The following FAM178B variants were observed in gnomAD, a reference collection of about 807,000 sequenced individuals.
The protein encoded by FAM178B is family with sequence similarity 178 member B.
Under a neutral mutation model 91.7 loss-of-function variants are expected in FAM178B, and 82 were observed. The observed-to-expected ratio is 0.89, with a 90% CI of 0.75 to 1.07. FAM178B has a LOEUF of 1.07. FAM178B is among the 50% of genes least tolerant of loss of function. The pLI is 0.00. For synonymous variants in FAM178B, 368 were observed against 359.4 expected, an observed-to-expected ratio of 1.02 and a Z score of -0.27; for missense variants, 769 against 846.7, an observed-to-expected ratio of 0.91 and a Z score of 1.14.
intron 7 of FAM178B, among the ~76,000 whole-genome samples, chr2:96,951,019 G>T (rs2081917168): frequency 1.3e-5 from 2 of 152,136 alleles, no homozygotes; most frequent in African/African-American, 4.8e-5. Context: ...TGAGGGGCTT[G>T]GACCGATTCA....
rs143352629 is a variant in FAM178B, at chr2:96,944,867, T to C, written c.1078+2951A>G. ...ACTCAGTCCCCGTAGGCAACTGAGTTTGCAGTCTCTGCTTTCTGGTACAGA... is the reference window on the plus strand; with the variant it reads ...ACTCAGTCCCCGTAGGCAACTGAGTCTGCAGTCTCTGCTTTCTGGTACAGA... On this transcript the variant is annotated intron_variant, in intron 8 of 16. Transcript: ENST00000490605. Among the ~76,000 whole-genome samples the C allele has an allele frequency of 2.0e-3, 302 of 152,290 alleles. 2 individuals carry two copies. The highest frequency in any genetic ancestry group is 3.7e-3 in the Non-Finnish European group (249 of 68,020).
At chr2:96,906,672 C>A (rs932684825) in intron 12 of FAM178B, among the ~76,000 whole-genome samples, 3 of 152,200 alleles carry the variant, frequency 2.0e-5, no homozygotes, top group Non-Finnish European at 4.4e-5. Context: ...CTACAACAGA[C>A]CCCCGTGGGT....
intron 1 of FAM178B, among the ~76,000 whole-genome samples, chr2:96,981,505 T>C (rs78757165): frequency 0.023 from 3,496 of 152,166 alleles, 77 homozygotes; most frequent in South Asian, 0.1. Context: ...GAAACTGTCC[T>C]CTTTGGGAGG....
At chr2:96,943,831 C>T (rs1249395610) in intron 8 of FAM178B, among the ~76,000 whole-genome samples, 2 of 152,166 alleles carry the variant, frequency 1.3e-5, no homozygotes, top group Non-Finnish European at 2.9e-5. Flanking sequence ...TACCCTGATA[C>T]TCCGCCCAAA....
rs200228743 is a variant in FAM178B at position 96,878,053 on chromosome 2, G to A, written c.1855-11C>T. On this transcript the variant is annotated splice_polypyrimidine_tract_variant and intron_variant, in intron 15 of 16. Coordinates refer to ENST00000490605, the MANE Select transcript of FAM178B (RefSeq NM_001122646.3). ...CAGCTGCAGCTCGCCCTGTGGAGGC[G>A]GAGGGAGGCCAAGAAGCGGGTGTAG... 5,130 of 1,605,934 alleles carry A rather than the reference G, an allele frequency of 3.2e-3. 36 individuals carry two copies. The highest frequency in any genetic ancestry group is 2.8e-3 in the Non-Finnish European group (3,357 of 1,179,894).
intron 9 of FAM178B, among the ~76,000 whole-genome samples, chr2:96,924,627 G>A (rs903512848): frequency 2.0e-5 from 3 of 152,194 alleles, no homozygotes; most frequent in East Asian, 3.9e-4. Flanking sequence ...CTCACAGGAC[G>A]AGAGCCTGGG....
chr2:96,951,204 A>T (rs562799664), intron 7 of FAM178B, among the ~76,000 whole-genome samples, 175 bp downstream of exon 7: 7 of 152,218 alleles, frequency 4.6e-5, no homozygotes, highest in Non-Finnish European at 1.0e-4. Context: ...TGGCATTCTT[A>T]GCACCATTGT....
intron 9 of FAM178B, 86 bp downstream of exon 9, chr2:96,929,120 T>C: frequency 5.3e-6 from 5 of 952,224 alleles, no homozygotes; most frequent in Admixed American, 2.1e-5. Context: ...ATTATACCCC[T>C]GTATTCCAGT....
Position 96,947,835 on chromosome 2 carries a change from C to G in FAM178B, c.1061G>C (p.Gly354Ala), listed in dbSNP as rs369409545. 2.6e-6 allele frequency: 4 copies of G among 1,545,494 alleles called. No individual in the cohort carries two copies. The highest frequency in any genetic ancestry group is 3.5e-6 in the Non-Finnish European group (4 of 1,141,586). ...GTACTGACCAGGCTGAAGGAAGATT[C>G]CATCCACAATGAGATCCCACAGAAG... is the stretch of plus-strand genomic sequence containing the variant. ...FGLLWDLIVD[G>A]IFLQPDEDKH... Residue 354 changes from glycine to alanine, a missense_variant, in exon 8 of 17, where the codon GGA becomes GCA. Physicochemically the swap from Gly to Ala is moderately conservative, Grantham distance 60. Coordinates refer to ENST00000490605, the MANE Select transcript of FAM178B (RefSeq NM_001122646.3).
intron 4 of FAM178B, among the ~76,000 whole-genome samples, chr2:96,970,083 A>G (rs1357393360): frequency 6.6e-6 from 1 of 152,214 alleles, no homozygotes; most frequent in Non-Finnish European, 1.5e-5. Context: ...ATGCCACCAA[A>G]GAGCATGCCC....
chr2:96,883,811 G>T (rs190591261), intron 14 of FAM178B, among the ~76,000 whole-genome samples: 8 of 152,308 alleles, frequency 5.3e-5, no homozygotes, highest in Admixed American at 2.6e-4. Context: ...CAGGAGCCAG[G>T]GGGGGTCCTC....
chr2:96,947,897 C>T lies in FAM178B; in HGVS notation c.999G>A (p.Leu333=). ...VSLLQWLFQL[L]TWPPETSLGA... ...CCAAAGATGTTTCTGGAGGCCATGTCAGCAGCTAGGTGGAAAAAAAAAACA... is the reference window on the plus strand; with the variant it reads ...CCAAAGATGTTTCTGGAGGCCATGTTAGCAGCTAGGTGGAAAAAAAAAACA... Residue 333 remains leucine, a synonymous_variant, in exon 8 of 17, where the codon CTG becomes CTA. Transcript: ENST00000490605. 1.3e-6 allele frequency: 2 copies of T among 1,525,918 alleles called. No homozygotes were observed. The highest frequency in any genetic ancestry group is 1.8e-6 in the Non-Finnish European group (2 of 1,126,424). The allele number at this position is 1,525,918 out of a possible 1,614,324, so 94.5% of individuals were successfully genotyped here.
chr2:96,951,330 A>T, intron 7 of FAM178B, 49 bp downstream of exon 7: 3 of 1,386,390 alleles, frequency 2.2e-6, no homozygotes, highest in Non-Finnish European at 3.0e-6. Flanking sequence ...CTGCCGGGCC[A>T]CCAGACTGCA....
chr2:96,927,127 G>A (rs1218912763), intron 9 of FAM178B, among the ~76,000 whole-genome samples: 1 of 152,214 alleles, frequency 6.6e-6, no homozygotes, highest in Non-Finnish European at 1.5e-5. Context: ...TACCCTTGGG[G>A]AGGAGATGCT....
chr2:96,900,187 A>G (rs1366767719), intron 13 of FAM178B, among the ~76,000 whole-genome samples: 2 of 152,040 alleles, frequency 1.3e-5, no homozygotes, highest in Non-Finnish European at 2.9e-5. Context: ...CCTGCATCCC[A>G]GAGCCCTCCC....
intron 9 of FAM178B, among the ~76,000 whole-genome samples, chr2:96,924,571 T>C (rs1025148432): frequency 2.6e-5 from 4 of 152,208 alleles, no homozygotes; most frequent in African/African-American, 9.6e-5. Flanking sequence ...GCTTTGTGGA[T>C]GGCAGTCTCA....
At chr2:96,980,739 T>G (rs2082350559) in intron 1 of FAM178B, among the ~76,000 whole-genome samples, 3 of 152,190 alleles carry the variant, frequency 2.0e-5, no homozygotes, top group Non-Finnish European at 1.5e-5. Context: ...CTGGTTCTAA[T>G]GAGGTTGAGC....
In FAM178B at chr2:96,970,714, A is replaced by C; in HGVS notation, c.626+2T>G. The C allele has an allele frequency of 6.4e-7, 1 of 1,550,678 alleles. No individual in the cohort carries two copies. Among genetic ancestry groups the C allele is most frequent in the South Asian group, 1.2e-5 (1 of 84,038 alleles). On this transcript the variant is annotated splice_donor_variant, in intron 4 of 16. Transcript: ENST00000490605. LOFTEE classifies it high-confidence loss of function. ...CCATGACAGGCCACGCCCTGTGCTCACCTCTTCTCCTGCAGTAAGTAGTCC... is the reference window on the plus strand; with the variant it reads ...CCATGACAGGCCACGCCCTGTGCTCCCCTCTTCTCCTGCAGTAAGTAGTCC...
At chr2:96,878,824 C>T (rs1050345389) in intron 14 of FAM178B, among the ~76,000 whole-genome samples, 4 of 152,236 alleles carry the variant, frequency 2.6e-5, no homozygotes, top group Admixed American at 6.5e-5. Context: ...GGCAGCAGAA[C>T]GCACCTTCTG....
Sources: allele counts gnomAD v4.1 joint callset (sites outside exome capture counted in the v4.1 genomes callset), GRCh38; gene constraint gnomAD v4.1.1; transcripts MANE v1.5; gene names NCBI Gene and HGNC (gene_info 2026-07-23, HGNC 2026-07-21).